ATP8A1: variants seen among roughly 807,000 people sequenced by gnomAD.
The protein encoded by ATP8A1 is phospholipid-transporting ATPase IA.
A neutral mutation model predicts 177.7 loss-of-function variants in ATP8A1; 90 were observed. The ratio of observed to expected loss-of-function variants is 0.51; its 90% confidence interval spans 0.43 to 0.60. The LOEUF (loss-of-function observed/expected upper bound fraction) is 0.60, where lower values mean the gene tolerates loss of function less well. Ranked by LOEUF, ATP8A1 falls within the 20% of genes least tolerant of loss-of-function variation. The probability of loss-of-function intolerance (pLI) is 0.00; values close to 1 mark genes in which losing one functional copy is unlikely to be tolerated. For synonymous variants in ATP8A1, 493 were observed against 485.9 expected (o/e 1.01, Z -0.19); for missense variants, 1,072 against 1,392.8 (o/e 0.77, Z 3.67).
intron 14 of ATP8A1, among the ~76,000 whole-genome samples, chr4:42,569,916 AG>A (rs1412691602): frequency 6.6e-6 from 1 of 152,190 alleles, no homozygotes; most frequent in Non-Finnish European, 1.5e-5. Flanking sequence ...TTCAATTGGA[AG>A]GGGCCCATAA....
chr4:42,628,830 A>C (rs1738401918), intron 1 of ATP8A1, among the ~76,000 whole-genome samples: 1 of 152,148 alleles, frequency 6.6e-6, no homozygotes, highest in Non-Finnish European at 1.5e-5. Context: ...CCTCAAAAAA[A>C]CCAGCTCTTC....
intron 24 of ATP8A1, among the ~76,000 whole-genome samples, chr4:42,499,278 T>A (rs1214519099): frequency 2.0e-5 from 3 of 152,238 alleles, no homozygotes; most frequent in Non-Finnish European, 4.4e-5. Context: ...TCATGCCTGT[T>A]GATTTAATAA....
At chr4:42,542,071 T>C (rs1659092921) in intron 20 of ATP8A1, among the ~76,000 whole-genome samples, 1 of 149,546 alleles carries the variant, frequency 6.7e-6, no homozygotes, top group African/African-American at 2.5e-5. Context: ...TTGTTACAAA[T>C]GTACCACTCT....
At chr4:42,458,735 T>C (rs1718755697) in intron 27 of ATP8A1, among the ~76,000 whole-genome samples, 1 of 152,248 alleles carries the variant, frequency 6.6e-6, no homozygotes, top group Admixed American at 6.5e-5. Context: ...TATTCCTTTA[T>C]TAGCATAGAA....
At chr4:42,623,411 C>T (rs1033811374) in intron 4 of ATP8A1, among the ~76,000 whole-genome samples, 2 of 152,074 alleles carry the variant, frequency 1.3e-5, no homozygotes, top group African/African-American at 4.8e-5. Flanking sequence ...TCATTTCAGC[C>T]CTATTCACAA....
At chr4:42,456,572 A>G (rs577261583) in intron 27 of ATP8A1, among the ~76,000 whole-genome samples, 2 of 152,342 alleles carry the variant, frequency 1.3e-5, no homozygotes, top group Middle Eastern at 3.4e-3. Flanking sequence ...TGTTTAAAAC[A>G]TAAGAAAAAT....
At chr4:42,456,923 C>G (rs916334850) in intron 27 of ATP8A1, among the ~76,000 whole-genome samples, 3 of 152,176 alleles carry the variant, frequency 2.0e-5, no homozygotes, top group Non-Finnish European at 2.9e-5. Context: ...TCCCTATGAA[C>G]AGGTTCTGTA....
chr4:42,562,022 G>C (rs975809195), intron 15 of ATP8A1: 1 of 152,054 alleles, frequency 6.6e-6, no homozygotes, highest in Non-Finnish European at 1.5e-5. Flanking sequence ...TTTATAATCT[G>C]GTTCTTTAAG....
In ATP8A1 at chr4:42,598,575, T is replaced by C. The variant is rs577236078; in HGVS notation, c.450+1903A>G. On this transcript the variant is annotated intron_variant, in intron 6 of 36. Coordinates refer to ENST00000381668, the MANE Select transcript of ATP8A1 (RefSeq NM_006095.2). The stretch of plus-strand genomic sequence containing the variant: ...AAATATAATAATTTCCCTGGGATTA[T>C]ATTACTTCATAATTTGGAACAAGTG... Among the ~76,000 whole-genome samples the C allele has an allele frequency of 1.3e-4, 20 of 152,326 alleles. No homozygotes were observed. In the South Asian group the frequency reaches 3.3e-3, roughly 25 times the overall value.
intron 15 of ATP8A1, among the ~76,000 whole-genome samples, chr4:42,563,899 A>C (rs1731092920): frequency 6.6e-6 from 1 of 152,224 alleles, no homozygotes; most frequent in Non-Finnish European, 1.5e-5. Context: ...GTACAAGACC[A>C]GCCCAGCCAA....
At chr4:42,525,230 G>A (rs903426110) in intron 20 of ATP8A1, among the ~76,000 whole-genome samples, 1 of 152,196 alleles carries the variant, frequency 6.6e-6, no homozygotes, top group Admixed American at 6.5e-5. Context: ...GGCAAACACT[G>A]GACTGAGCAA....
At chr4:42,564,144 C>A (rs1217177157) in intron 15 of ATP8A1, among the ~76,000 whole-genome samples, 2 of 152,176 alleles carry the variant, frequency 1.3e-5, no homozygotes, top group Non-Finnish European at 1.5e-5. Flanking sequence ...GCCTAGACCT[C>A]AGAAGATGTA....
chr4:42,649,463 G>A (rs904904845), intron 1 of ATP8A1, among the ~76,000 whole-genome samples: 2 of 152,156 alleles, frequency 1.3e-5, no homozygotes, highest in South Asian at 4.1e-4. Context: ...TTTATATGAA[G>A]TATATAAAAG....
chr4:42,447,273 C>T (rs1169065655), intron 30 of ATP8A1, among the ~76,000 whole-genome samples: 2 of 152,074 alleles, frequency 1.3e-5, no homozygotes, highest in Non-Finnish European at 2.9e-5. Flanking sequence ...AACCTCCGCT[C>T]CCGGGTTCTA....
intron 33 of ATP8A1, among the ~76,000 whole-genome samples, chr4:42,425,946 G>A (rs1006266270): frequency 6.6e-6 from 1 of 152,236 alleles, no homozygotes; most frequent in Admixed American, 6.5e-5. Context: ...TAACAGGAGG[G>A]CACAGGCCGT....
intron 25 of ATP8A1, chr4:42,472,155 C>T (rs1346153226): frequency 3.2e-6 from 2 of 630,518 alleles, no homozygotes; most frequent in Admixed American, 1.9e-5. Context: ...TAAGCAAAAA[C>T]ATCCTAGGAG....
In ATP8A1 at chr4:42,414,728, A is replaced by C; in HGVS notation, c.3306-10T>G. 2 of 1,611,228 alleles carry C rather than the reference A, an allele frequency of 1.2e-6. No homozygotes were observed. The highest frequency in any genetic ancestry group is 1.7e-6 in the Non-Finnish European group (2 of 1,177,374). On this transcript the variant is annotated splice_polypyrimidine_tract_variant and intron_variant, in intron 35 of 36. Transcript: ENST00000381668. ...CGCCCTCTCGGTCAGGCTGCAGAGC[A>C]GGTGCAAATGTGTGAAATGAATTAT...
intron 33 of ATP8A1, among the ~76,000 whole-genome samples, chr4:42,433,905 G>A (rs1398791604): frequency 6.6e-6 from 1 of 151,258 alleles, no homozygotes; most frequent in African/African-American, 2.4e-5. Flanking sequence ...AGGAGGAAGA[G>A]CTAGTTGGGA....
intron 23 of ATP8A1, among the ~76,000 whole-genome samples, chr4:42,505,447 G>A (rs1724270703): frequency 6.6e-6 from 1 of 152,004 alleles, no homozygotes; most frequent in Non-Finnish European, 1.5e-5. Flanking sequence ...TTTGTAGTCT[G>A]TTTTATCATA....
Sources: gnomAD v4.1 joint callset for allele counts (sites outside exome capture counted in the v4.1 genomes callset) on GRCh38, gnomAD v4.1.1 for gene constraint, MANE v1.5 for transcripts, NCBI Gene and HGNC (gene_info 2026-07-23, HGNC 2026-07-21) for gene names.